The following OR2M2 variants were observed in gnomAD, a reference collection of about 807,000 sequenced individuals.
The protein encoded by OR2M2 is olfactory receptor family 2 subfamily M member 2, also known as olfactory receptor 2M2.
For synonymous variants in OR2M2, 168 were observed against 151.7 expected (o/e 1.11, Z -0.79); for missense variants, 467 against 429.9 (o/e 1.09, Z -0.76).
intron 1 of OR2M2, 72 bp from the exon 2 acceptor site, chr1:248,179,896 A>G (rs1268526242): frequency 2.1e-6 from 3 of 1,428,572 alleles, no homozygotes; most frequent in East Asian, 4.6e-5. Flanking sequence ...TACAGAATTT[A>G]CCAAAATCAC....
rs1258840756 is a variant in OR2M2 at position 248,180,584 on chromosome 1, TCA to T, written c.600_601del (p.Ile201LeufsTer64). 1.2e-6 allele frequency: 2 copies of T among 1,613,602 alleles called. No homozygotes were observed. Among genetic ancestry groups the T allele is most frequent in the Admixed American group, 3.3e-5 (2 of 60,018 alleles). ...ACATCAATATTTGAAGAGGTTATTTTCATCTGCTGTATAGTAATGCTTGTTTT... is the reference window on the plus strand; with the variant it reads ...ACATCAATATTTGAAGAGGTTATTTTTCTGCTGTATAGTAATGCTTGTTTT... On this transcript the variant is annotated frameshift_variant, in exon 2 of 2. Transcript: ENST00000641836. LOFTEE classifies it low-confidence loss of function (END_TRUNC).
In OR2M2 at chr1:248,180,147, G is replaced by C; in HGVS notation, c.162G>C (p.Gln54His). Residue 54 changes from glutamine (Q) to histidine (H), a missense_variant, in exon 2 of 2, where the codon CAG becomes CAC. Transcript: ENST00000641836. The stretch of plus-strand genomic sequence containing the variant: ...TTCTCCTCATCTACCTGGACACCCA[G>C]CTCCACACCCCCATGTACTTCCTCC... ...VMVLLIYLDT[Q>H]LHTPMYFLLS... 6.2e-7 allele frequency: 1 copy of C among 1,614,024 alleles called. No individual in the cohort carries two copies. The highest frequency in any genetic ancestry group is 8.5e-7 in the Non-Finnish European group (1 of 1,180,008).
At position 248,180,111 on chromosome 1, in the gene OR2M2, C is replaced by T; in HGVS notation, c.126C>T (p.Asn42=). ...TCTTTTTAGTGGCCTTCATGGGAAACTCTGTCATGGTTCTCCTCATCTACC... is the reference window on the plus strand; with the variant it reads ...TCTTTTTAGTGGCCTTCATGGGAAATTCTGTCATGGTTCTCCTCATCTACC... ...LGIFLVAFMG[N]SVMVLLIYLD... is the part of the protein sequence containing the mutation. The change falls in exon 2 of 2, where the codon AAC becomes AAT. Residue 42 remains asparagine (N), a synonymous_variant. Coordinates refer to ENST00000641836, the MANE Select transcript of OR2M2 (RefSeq NM_001004688.2). 1.9e-6 allele frequency: 3 copies of T among 1,614,042 alleles called. No individual in the cohort carries two copies. The highest frequency in any genetic ancestry group is 2.2e-5 in the South Asian group (2 of 91,084).
chr1:248,176,824 T>C (rs1335156553), intron 1 of OR2M2, among the ~76,000 whole-genome samples: 1 of 152,086 alleles, frequency 6.6e-6, no homozygotes, highest in Non-Finnish European at 1.5e-5. Context: ...AGCTTCAGGA[T>C]TGGGTTTCAC....
chr1:248,176,452 G>A (rs1166263168), intron 1 of OR2M2, among the ~76,000 whole-genome samples: 4 of 151,934 alleles, frequency 2.6e-5, no homozygotes, highest in Non-Finnish European at 4.4e-5. Context: ...AAAAATAGAA[G>A]CATAAAATTA....
rs1355289572 is a variant in OR2M2 at position 248,180,963 on chromosome 1, C to A, written c.978C>A (p.Phe326Leu). The A allele has an allele frequency of 3.1e-6, 5 of 1,613,680 alleles. No individual in the cohort carries two copies. The highest frequency in any genetic ancestry group is 3.4e-6 in the Non-Finnish European group (4 of 1,179,776). The stretch of plus-strand genomic sequence containing the variant: ...TTTATGTTTTGCTGTTTGCTAAATT[C>A]TTCTTTCTAATATCCATCTTTTTCT... ...HKLYVLLFAK[F>L]FFLISIFFYD... Residue 326 changes from phenylalanine to leucine, a missense_variant, in exon 2 of 2, where the codon TTC becomes TTA. Coordinates refer to ENST00000641836, the MANE Select transcript of OR2M2 (RefSeq NM_001004688.2).
At position 248,180,715 on chromosome 1, in the gene OR2M2, C is replaced by T. The variant is rs561993914; in HGVS notation, c.730C>T (p.His244Tyr). 1 of 1,613,368 alleles carries T rather than the reference C, an allele frequency of 6.2e-7. No individual in the cohort carries two copies. Among genetic ancestry groups the T allele is most frequent in the Admixed American group, 1.7e-5 (1 of 60,016 alleles). Residue 244 changes from histidine to tyrosine, a missense_variant, in exon 2 of 2, where the codon CAC (histidine) becomes TAC (tyrosine). Physicochemically the swap from His to Tyr is moderately conservative, Grantham distance 83 (BLOSUM62 2). Coordinates refer to ENST00000641836, the MANE Select transcript of OR2M2 (RefSeq NM_001004688.2). ...CAAAGCTTTCACGACCTGTTCCTCT[C>T]ACCTCATGGTGGTGGGAATGTACTA... Reference protein sequence around the residue: ...RCKAFTTCSSHLMVVGMYYGA... With the variant: ...RCKAFTTCSSYLMVVGMYYGA...
rs563979686 is a variant in OR2M2, at chr1:248,180,349, C to T, written c.364C>T (p.Arg122Cys). 176 of 1,614,062 alleles carry T rather than the reference C, an allele frequency of 1.1e-4. 3 individuals are homozygous for T. The South Asian group carries it at 1.7e-3, about 15-fold the overall frequency. ...TCTTTTGGCTGTTATGGCTTATGAC[C>T]GCTATATTGCTATTTGCCACCCTCT... is the stretch of plus-strand genomic sequence containing the variant. ...CFLLAVMAYD[R>C]YIAICHPLRY... is the part of the protein sequence containing the mutation. The change falls in exon 2 of 2, where the codon CGC (arginine) becomes TGC (cysteine). Residue 122 changes from arginine (R) to cysteine (C), a missense_variant. Coordinates refer to ENST00000641836, the MANE Select transcript of OR2M2 (RefSeq NM_001004688.2).
intron 1 of OR2M2, among the ~76,000 whole-genome samples, chr1:248,178,968 T>A (rs1299895588): frequency 6.6e-6 from 1 of 152,214 alleles, no homozygotes; most frequent in Non-Finnish European, 1.5e-5. Flanking sequence ...ATACAGAGTA[T>A]CTCAAACTGA....
At chr1:248,175,447 A>C (rs1272881989) in intron 1 of OR2M2, among the ~76,000 whole-genome samples, 1 of 152,060 alleles carries the variant, frequency 6.6e-6, no homozygotes, top group Non-Finnish European at 1.5e-5. Context: ...TATGGTATAC[A>C]ATGAATATAA....
At chr1:248,177,203 G>A (rs1665865562) in intron 1 of OR2M2, among the ~76,000 whole-genome samples, 2 of 152,070 alleles carry the variant, frequency 1.3e-5, no homozygotes, top group Non-Finnish European at 2.9e-5. Flanking sequence ...AGAAAATTCA[G>A]AGGGTTATGT....
rs1435603878 is a variant in OR2M2, at chr1:248,180,464, C to G, written c.479C>G (p.Ala160Gly). 1 of 1,613,846 alleles carries G rather than the reference C, an allele frequency of 6.2e-7. No homozygotes were observed. The highest frequency in any genetic ancestry group is 1.3e-5 in the African/African-American group (1 of 74,852). The stretch of plus-strand genomic sequence containing the variant: ...GGCTCTACAGATGGAATCATTGATG[C>G]TGTAGCCACATTTTCCTTCTCCTTT... ...ILGSTDGIID[A>G]VATFSFSFCG... The change falls in exon 2 of 2, where the codon GCT (alanine) becomes GGT (glycine). Residue 160 changes from alanine (A) to glycine (G), a missense_variant. By Grantham distance (60) the Ala-to-Gly change is moderately conservative. Coordinates refer to ENST00000641836, the MANE Select transcript of OR2M2 (RefSeq NM_001004688.2).
At chr1:248,177,240 T>C (rs1307109623) in intron 1 of OR2M2, among the ~76,000 whole-genome samples, 1 of 152,124 alleles carries the variant, frequency 6.6e-6, no homozygotes, top group Non-Finnish European at 1.5e-5. Flanking sequence ...TTCAATTTTG[T>C]TTTAATGCTT....
chr1:248,177,190 C>G (rs1004325568), intron 1 of OR2M2, among the ~76,000 whole-genome samples: 1 of 152,046 alleles, frequency 6.6e-6, no homozygotes, highest in African/African-American at 2.4e-5. Flanking sequence ...ACTAATGTAA[C>G]TGAGAAAATT....
Position 248,180,042 on chromosome 1 carries a change from TCA to T in OR2M2, c.60_61del (p.His20GlnfsTer91). The T allele has an allele frequency of 6.2e-7, 1 of 1,614,072 alleles. No individual in the cohort carries two copies. On this transcript the variant is annotated frameshift_variant, in exon 2 of 2. Transcript: ENST00000641836. LOFTEE classifies it low-confidence loss of function (END_TRUNC). ...ACTTCATCCTCCTTGGAATCTTCAA[TCA>T]CAGCCCACCACACACGTTCCTCTTC... ...SDFILLGIFN[H>X]SPPHTFLFFL...
Position 248,180,198 on chromosome 1 carries a change from C to T in OR2M2, c.213C>T (p.Leu71=). 1 of 1,614,132 alleles carries T rather than the reference C, an allele frequency of 6.2e-7. No individual in the cohort carries two copies. Among genetic ancestry groups the T allele is most frequent in the Non-Finnish European group, 8.5e-7 (1 of 1,180,028 alleles). Reference sequence around the variant, plus strand: ...TCAGCCAACTGTCCCTCATGGACCTCATGCTCATCTGCACCACCGTACCCA... The same window carrying T: ...TCAGCCAACTGTCCCTCATGGACCTTATGCTCATCTGCACCACCGTACCCA... ...FLLSQLSLMD[L]MLICTTVPKM... Residue 71 remains leucine (L), a synonymous_variant, in exon 2 of 2, where the codon CTC becomes CTT. Transcript: ENST00000641836.
At chr1:248,179,936 A>G (rs1048473015) in intron 1 of OR2M2, 32 bp from the exon 2 acceptor site, 12 of 1,554,178 alleles carry the variant, frequency 7.7e-6, no homozygotes, top group Middle Eastern at 1.7e-4. Context: ...GTAAATGTTT[A>G]CCAAATTAAT....
At chr1:248,179,176 CT>C (rs1258967369) in intron 1 of OR2M2, among the ~76,000 whole-genome samples, 1 of 152,128 alleles carries the variant, frequency 6.6e-6, no homozygotes, top group Non-Finnish European at 1.5e-5. Flanking sequence ...GCTGCCTCCC[CT>C]ATCACATGGT....
intron 1 of OR2M2, among the ~76,000 whole-genome samples, chr1:248,179,233 G>A (rs146542683): frequency 6.9e-4 from 105 of 152,208 alleles, no homozygotes; most frequent in East Asian, 7.7e-4. Context: ...TTATCAGAAC[G>A]TGAGTCATAT....
Sources: gnomAD v4.1 joint callset for allele counts (sites outside exome capture counted in the v4.1 genomes callset) on GRCh38, gnomAD v4.1.1 for gene constraint, MANE v1.5 for transcripts, NCBI Gene and HGNC (gene_info 2026-07-23, HGNC 2026-07-21) for gene names.